The following COMMD1 variants were observed in gnomAD, a reference collection of about 807,000 sequenced individuals.
The protein encoded by COMMD1 is copper metabolism domain containing 1, also known as COMM domain-containing protein 1.
COMMD1 carries 10 observed loss-of-function variants against 17.2 expected under a neutral mutation model. The observed-to-expected ratio is 0.58, with a 90% CI of 0.36 to 0.99. The LOEUF is 0.99. Among genes scored for constraint, COMMD1 ranks in the 50% least tolerant of loss-of-function variants. The pLI is 0.01. For missense variants in COMMD1, 270 were observed against 231.8 expected, an observed-to-expected ratio of 1.17 and a Z score of -1.07; for synonymous variants, 97 against 91.6, an observed-to-expected ratio of 1.06 and a Z score of -0.34.
chr2:62,051,061 C>G (rs886731566), intron 2 of COMMD1, among the ~76,000 whole-genome samples: 2 of 152,112 alleles, frequency 1.3e-5, no homozygotes, highest in Non-Finnish European at 2.9e-5. Flanking sequence ...GAAATGCCCT[C>G]TAATGAGAAG....
chr2:62,071,821 C>A (rs751937574), intron 2 of COMMD1, among the ~76,000 whole-genome samples: 23 of 152,032 alleles, frequency 1.5e-4, no homozygotes, highest in African/African-American at 5.6e-4. Flanking sequence ...CATTATACCC[C>A]CTCCCTTTTG....
At chr2:61,956,184 A>G (rs2103681592) in intron 1 of COMMD1, among the ~76,000 whole-genome samples, 1 of 152,308 alleles carries the variant, frequency 6.6e-6, no homozygotes, top group East Asian at 1.9e-4. Flanking sequence ...TTATACTCTG[A>G]ATGTTGGTAC....
Position 61,970,893 on chromosome 2 carries a change from C to T in COMMD1, c.181-29808C>T, listed in dbSNP as rs113684289. The stretch of plus-strand genomic sequence containing the variant: ...ATCTGTTATATTTGGTCATAGAATT[C>T]ATGTCCCCAGTATTTGTTTTTTTTG... On this transcript the variant is annotated intron_variant, in intron 1 of 2. Coordinates refer to ENST00000311832, the MANE Select transcript of COMMD1 (RefSeq NM_152516.4). Among the ~76,000 whole-genome samples, 1,227 of 152,168 alleles carry T rather than the reference C, an allele frequency of 8.1e-3. 19 individuals are homozygous for T. The highest frequency in any genetic ancestry group is 0.027 in the African/African-American group (1,112 of 41,506).
At chr2:62,091,804 G>A (rs1346601430) in intron 2 of COMMD1, among the ~76,000 whole-genome samples, 1 of 152,142 alleles carries the variant, frequency 6.6e-6, no homozygotes, top group East Asian at 1.9e-4. Context: ...TGTCTCAACT[G>A]ATAATCCCCA....
At chr2:61,999,629 G>A (rs1230548884) in intron 1 of COMMD1, among the ~76,000 whole-genome samples, 1 of 151,930 alleles carries the variant, frequency 6.6e-6, no homozygotes, top group Admixed American at 6.6e-5. Context: ...GGGTCTTGCT[G>A]TGTTGCCCAG....
chr2:61,977,856 G>A (rs1671848057), intron 1 of COMMD1, among the ~76,000 whole-genome samples: 2 of 151,622 alleles, frequency 1.3e-5, no homozygotes, highest in African/African-American at 4.8e-5. Context: ...GGGGGTGGTG[G>A]TGTGTGCCTG....
intron 2 of COMMD1, among the ~76,000 whole-genome samples, chr2:62,057,914 TG>T (rs899499333): frequency 8.2e-4 from 125 of 152,264 alleles, no homozygotes; most frequent in African/African-American, 2.8e-3. Flanking sequence ...TCTTGACCCA[TG>T]GTTTATTTTG....
At chr2:61,984,538 A>G (rs192167649) in intron 1 of COMMD1, among the ~76,000 whole-genome samples, 1 of 152,274 alleles carries the variant, frequency 6.6e-6, no homozygotes, top group East Asian at 1.9e-4. Context: ...TATTATTTCA[A>G]TTTTTTGAAT....
intron 2 of COMMD1, among the ~76,000 whole-genome samples, chr2:62,003,640 A>ACACACC (rs1404942594): frequency 9.4e-5 from 14 of 148,566 alleles, no homozygotes; most frequent in South Asian, 2.1e-4. Context: ...ACACACACAC[A>ACACACC]CCCAACAGAT....
At chr2:62,102,968 TTC>T (rs145408596) in intron 2 of COMMD1, among the ~76,000 whole-genome samples, 40 of 151,966 alleles carry the variant, frequency 2.6e-4, no homozygotes, top group Non-Finnish European at 4.7e-4. Context: ...CCAATCATAT[TTC>T]TTTTTCTTTC....
At chr2:61,938,974 C>A (rs1280997027) in intron 1 of COMMD1, among the ~76,000 whole-genome samples, 1 of 152,026 alleles carries the variant, frequency 6.6e-6, no homozygotes, top group Non-Finnish European at 1.5e-5. Flanking sequence ...AGAAATAATT[C>A]ATAATTCAAT....
At chr2:61,992,928 T>C (rs1672288321) in intron 1 of COMMD1, among the ~76,000 whole-genome samples, 1 of 152,202 alleles carries the variant, frequency 6.6e-6, no homozygotes. Flanking sequence ...AGGGAGGTAA[T>C]TGTTTAATAT....
intron 2 of COMMD1, among the ~76,000 whole-genome samples, chr2:62,035,743 T>TAAAAAAA (rs763075178): frequency 1.1e-5 from 1 of 95,006 alleles, no homozygotes; most frequent in Admixed American, 1.2e-4. Context: ...CTGTCTCAAT[T>TAAAAAAA]AAAAAAAAAA....
intron 1 of COMMD1, among the ~76,000 whole-genome samples, chr2:61,908,384 G>A (rs1572950081): frequency 6.6e-6 from 1 of 151,662 alleles, no homozygotes; most frequent in African/African-American, 2.4e-5. Flanking sequence ...GCACTGCAGC[G>A]CCCAGCTAAT....
At chr2:61,982,840 TTGAACC>T (rs1671993427) in intron 1 of COMMD1, among the ~76,000 whole-genome samples, 2 of 152,250 alleles carry the variant, frequency 1.3e-5, no homozygotes, top group Non-Finnish European at 2.9e-5. Flanking sequence ...TTTGTGTATT[TTGAACC>T]ATCCTAGCAT....
In COMMD1 at chr2:62,100,966, T is replaced by TA. The variant is rs201433017; in HGVS notation, c.463-34863dup. On this transcript the variant is annotated intron_variant, in intron 2 of 2. Transcript: ENST00000311832. ...TATTTTGATTTTTTTGCCTGTCTTATAATGTTATGCCAGAGTCTGATTGGA... is the reference window on the plus strand; with the variant it reads ...TATTTTGATTTTTTTGCCTGTCTTATAAATGTTATGCCAGAGTCTGATTGGA... 7.0e-3 allele frequency among the ~76,000 whole-genome samples: 1,068 copies of TA among 152,246 alleles called. 17 individuals are homozygous for TA. The highest frequency in any genetic ancestry group is 0.024 in the African/African-American group (994 of 41,516).
At chr2:62,022,473 A>C (rs1669637362) in intron 2 of COMMD1, among the ~76,000 whole-genome samples, 1 of 127,874 alleles carries the variant, frequency 7.8e-6, no homozygotes, top group Non-Finnish European at 1.6e-5. Context: ...TTTTTTTTAC[A>C]TGAAGCCGAG....
intron 2 of COMMD1, among the ~76,000 whole-genome samples, chr2:62,032,567 C>A (rs1317869388): frequency 6.6e-6 from 1 of 152,230 alleles, no homozygotes; most frequent in East Asian, 1.9e-4. Context: ...AAAAAACCTA[C>A]AAACCATTGA....
chr2:61,920,981 A>ATATAT (rs749403795), intron 1 of COMMD1, among the ~76,000 whole-genome samples: 20 of 141,400 alleles, frequency 1.4e-4, no homozygotes, highest in African/African-American at 3.5e-4. Context: ...ATATATATAT[A>ATATAT]TTTTTTTTTT....
Sources: allele counts gnomAD v4.1 joint callset (sites outside exome capture counted in the v4.1 genomes callset), GRCh38; gene constraint gnomAD v4.1.1; transcripts MANE v1.5; gene names NCBI Gene and HGNC (gene_info 2026-07-23, HGNC 2026-07-21).